The following ARHGAP19 variants were observed in gnomAD, a reference collection of about 807,000 sequenced individuals.
ARHGAP19 encodes Rho GTPase activating protein 19.
In ARHGAP19, 48 loss-of-function variants were observed where a neutral mutation model predicts 60.9. The ratio of observed to expected loss-of-function variants is 0.79; its 90% CI spans 0.62 to 1.00. The LOEUF (loss-of-function observed/expected upper bound fraction) is 1.00, where lower values mean the gene tolerates loss of function less well. Ranked by LOEUF, ARHGAP19 falls within the 50% of genes least tolerant of loss-of-function variation. The pLI is 0.00. For missense variants in ARHGAP19, 562 were observed against 597.2 expected (o/e 0.94, Z 0.61); for synonymous variants, 209 against 215.5 (o/e 0.97, Z 0.27).
intron 6 of ARHGAP19, among the ~76,000 whole-genome samples, chr10:97,251,793 A>G (rs1473376978): frequency 9.4e-6 from 1 of 106,234 alleles, no homozygotes; most frequent in Non-Finnish European, 1.9e-5. Flanking sequence ...AAAGGGGAAG[A>G]AAAGGAAAGA....
intron 6 of ARHGAP19, among the ~76,000 whole-genome samples, chr10:97,252,191 A>G (rs1327980239): frequency 6.6e-6 from 1 of 152,102 alleles, no homozygotes; most frequent in Non-Finnish European, 1.5e-5. Context: ...AAAAAATTAA[A>G]AACTAGCCAG....
rs28434206 is a variant in ARHGAP19, at chr10:97,292,479, C to T, written c.56+93G>A. On this transcript the variant is annotated intron_variant, in intron 1 of 11. Coordinates refer to ENST00000358531, the MANE Select transcript of ARHGAP19 (RefSeq NM_032900.6). ...ACGCCGTGGGAGAAAGAAACAAAGC[C>T]CGAACCGTGCGCCTCCGTGACCCAA... 4.4e-3 allele frequency: 6,621 copies of T among 1,489,210 alleles called. 213 individuals are homozygous for T. The African/African-American group carries it at 0.071, about 16-fold the overall frequency. The allele number at this position is 1,489,210 out of a possible 1,614,324, so 92.2% of individuals were successfully genotyped here.
At chr10:97,284,938 A>C (rs1330431258) in intron 1 of ARHGAP19, among the ~76,000 whole-genome samples, 1 of 141,930 alleles carries the variant, frequency 7.0e-6, no homozygotes, top group Non-Finnish European at 1.5e-5. Context: ...ATCTTAGCTC[A>C]CCACAACCTC....
chr10:97,227,748 T>G (rs897814540), intron 11 of ARHGAP19, among the ~76,000 whole-genome samples: 2 of 152,168 alleles, frequency 1.3e-5, no homozygotes, highest in African/African-American at 4.8e-5. Flanking sequence ...AATACACATA[T>G]GTACCTACAC....
intron 4 of ARHGAP19, among the ~76,000 whole-genome samples, chr10:97,262,365 T>TA (rs869205902): frequency 2.6e-5 from 4 of 151,754 alleles, no homozygotes; most frequent in African/African-American, 7.3e-5. Flanking sequence ...TAATAATTTT[T>TA]AAAAAAAATA....
At chr10:97,234,606 A>G (rs1236772778) in intron 9 of ARHGAP19, among the ~76,000 whole-genome samples, 1 of 152,206 alleles carries the variant, frequency 6.6e-6, no homozygotes, top group Non-Finnish European at 1.5e-5. Context: ...TGATGGCAAT[A>G]TTCCTTCACT....
At chr10:97,253,585 A>G (rs1466575821) in intron 6 of ARHGAP19, among the ~76,000 whole-genome samples, 2 of 152,184 alleles carry the variant, frequency 1.3e-5, no homozygotes, top group Non-Finnish European at 2.9e-5. Flanking sequence ...GCAAAGCAGC[A>G]TGACTATAGT....
intron 6 of ARHGAP19, among the ~76,000 whole-genome samples, chr10:97,250,929 G>T (rs12358452): frequency 0.043 from 6,537 of 151,518 alleles, 209 homozygotes; most frequent in Non-Finnish European, 0.061. Context: ...AGCCAGGCAT[G>T]GTGGCACGCA....
At chr10:97,269,499 T>C (rs1449256224) in intron 1 of ARHGAP19, among the ~76,000 whole-genome samples, 2 of 152,206 alleles carry the variant, frequency 1.3e-5, no homozygotes, top group East Asian at 1.9e-4. Flanking sequence ...CCAATGATGA[T>C]AAATAAAAGC....
chr10:97,252,711 C>A (rs958602525), intron 6 of ARHGAP19, among the ~76,000 whole-genome samples: 93 of 152,144 alleles, frequency 6.1e-4, no homozygotes, highest in African/African-American at 2.1e-3. Flanking sequence ...GGTGGGAATG[C>A]AAATTAGTAT....
intron 8 of ARHGAP19, 121 bp from the exon 9 acceptor site, chr10:97,235,436 A>G (rs1203360474): frequency 1.3e-6 from 1 of 796,446 alleles, no homozygotes; most frequent in East Asian, 2.9e-5. Flanking sequence ...GCATAGATGG[A>G]TTAGGAGGTC....
chr10:97,239,422 G>C (rs1266393812), intron 8 of ARHGAP19, among the ~76,000 whole-genome samples: 2 of 151,992 alleles, frequency 1.3e-5, no homozygotes, highest in Non-Finnish European at 2.9e-5. Flanking sequence ...CTTGAACCCA[G>C]GAGGCGGAGA....
In ARHGAP19 at chr10:97,250,755, A is replaced by C. The variant is rs200285451; in HGVS notation, c.928-4418T>G. 1.2e-4 allele frequency among the ~76,000 whole-genome samples: 13 copies of C among 109,828 alleles called. 2 individuals carry two copies. In the South Asian group the frequency reaches 1.9e-3, roughly 16 times the overall value. 72.1% of individuals were successfully genotyped at this position (109,828 alleles called of 152,430 possible). ...ATTTTCTCCAAACAAGAATATATCT[A>C]TTCTATTTCATTTAAAAAAAAGAAA... On this transcript the variant is annotated intron_variant, in intron 6 of 11. Coordinates refer to ENST00000358531, the MANE Select transcript of ARHGAP19 (RefSeq NM_032900.6).
chr10:97,256,235 G>A (rs946648924), intron 6 of ARHGAP19, 83 bp downstream of exon 6: 3 of 1,125,268 alleles, frequency 2.7e-6, no homozygotes, highest in South Asian at 2.6e-5. Context: ...TTCTCGTTTA[G>A]TTATCTTTAT....
chr10:97,239,410 T>C (rs576370503), intron 8 of ARHGAP19, among the ~76,000 whole-genome samples: 2 of 151,898 alleles, frequency 1.3e-5, no homozygotes, highest in South Asian at 4.2e-4. Context: ...GCAGGGGAAT[T>C]GCTTGAACCC....
At chr10:97,228,966 T>C (rs1277985701) in intron 11 of ARHGAP19, 181 bp downstream of exon 11, 4 of 705,140 alleles carry the variant, frequency 5.7e-6, no homozygotes, top group African/African-American at 1.7e-5. Context: ...CCCAAGACAA[T>C]GCTGAGTAAA....
At chr10:97,273,980 A>AAAC (rs1564727210) in intron 1 of ARHGAP19, among the ~76,000 whole-genome samples, 3 of 135,392 alleles carry the variant, frequency 2.2e-5, no homozygotes, top group Non-Finnish European at 5.1e-5. Context: ...CACACACACA[A>AAAC]ACACACACAC....
chr10:97,229,688 G>A lies in ARHGAP19; in HGVS notation c.1395+76C>T, dbSNP rs1206866757. ...TGGCCCAAAGAAACACAGTAAAACAGATGACAGTATATCAATTTTCCTCTT... is the reference window on the plus strand; with the variant it reads ...TGGCCCAAAGAAACACAGTAAAACAAATGACAGTATATCAATTTTCCTCTT... On this transcript the variant is annotated intron_variant, in intron 10 of 11. Coordinates refer to ENST00000358531, the MANE Select transcript of ARHGAP19 (RefSeq NM_032900.6). 2.5e-5 allele frequency: 27 copies of A among 1,076,448 alleles called. 1 individual carries two copies. Among genetic ancestry groups the A allele is most frequent in the Non-Finnish European group, 3.6e-5 (26 of 727,972 alleles). The allele number at this position is 1,076,448 out of a possible 1,614,324, so 66.7% of individuals were successfully genotyped here.
chr10:97,241,743 C>T (rs2134833866), intron 8 of ARHGAP19, among the ~76,000 whole-genome samples: 1 of 151,456 alleles, frequency 6.6e-6, no homozygotes, highest in East Asian at 2.0e-4. Flanking sequence ...GGTGCAGTGG[C>T]TCAAGCCTAT....
Sources: gnomAD v4.1 joint callset for allele counts (sites outside exome capture counted in the v4.1 genomes callset) on GRCh38, gnomAD v4.1.1 for gene constraint, MANE v1.5 for transcripts, NCBI Gene and HGNC (gene_info 2026-07-23, HGNC 2026-07-21) for gene names.